The following PLD5 variants were observed in gnomAD, a reference collection of about 807,000 sequenced individuals.
The protein encoded by PLD5 is phospholipase D family member 5, also known as inactive phospholipase D5.
A neutral mutation model predicts 61.1 loss-of-function variants in PLD5; 36 were observed. The ratio of observed to expected loss-of-function variants is 0.59; its 90% CI spans 0.45 to 0.78. The LOEUF (loss-of-function observed/expected upper bound fraction) is 0.78. Among genes scored for constraint, PLD5 ranks in the 30% least tolerant of loss-of-function variants. The pLI is 0.00. For missense variants in PLD5, 515 were observed against 644.4 expected (o/e 0.80, Z 2.17); for synonymous variants, 243 against 242.8 (o/e 1.00, Z -0.01).
chr1:242,475,524 T>G (rs1233056800), intron 1 of PLD5, among the ~76,000 whole-genome samples: 1 of 151,966 alleles, frequency 6.6e-6, no homozygotes. Context: ...TGACTGAAAT[T>G]ACCTATCCTT....
chr1:242,497,632 G>A (rs1668413852), intron 1 of PLD5, among the ~76,000 whole-genome samples: 1 of 152,232 alleles, frequency 6.6e-6, no homozygotes, highest in African/African-American at 2.4e-5. Flanking sequence ...GAAAAAGAGA[G>A]CTTCATCCTT....
rs147011306 is a variant in PLD5, at chr1:242,163,147, C to CTTT, written c.736-38485_736-38483dup. On this transcript the variant is annotated intron_variant, in intron 5 of 9. Coordinates refer to ENST00000536534, the MANE Select transcript of PLD5 (RefSeq NM_001372062.1). ...CAAGTCTTTTATTTTCTTTTCTTTT[C>CTTT]TTTCTTTTCTTGAGACGACGGAGTC... Among the ~76,000 whole-genome samples the CTTT allele has an allele frequency of 2.0e-4, 29 of 141,996 alleles. 2 individuals carry two copies. The highest frequency in any genetic ancestry group is 2.7e-4 in the Non-Finnish European group (18 of 65,922). 93.2% of individuals were successfully genotyped at this position (141,996 alleles called of 152,430 possible). A position where few individuals can be genotyped will look rare whatever the true frequency, so the allele number is the denominator to read the frequency against.
chr1:242,506,187 C>A (rs574096101), intron 1 of PLD5, among the ~76,000 whole-genome samples: 2 of 152,282 alleles, frequency 1.3e-5, no homozygotes, highest in Admixed American at 1.3e-4. Context: ...ATGATGGTTA[C>A]TCCTTGCTGC....
intron 1 of PLD5, among the ~76,000 whole-genome samples, chr1:242,484,292 C>T (rs1039365179): frequency 2.6e-5 from 4 of 152,116 alleles, no homozygotes; most frequent in East Asian, 1.9e-4. Context: ...GAAAGATCAA[C>T]AAAATTGATA....
chr1:242,110,545 C>G (rs768011505), intron 7 of PLD5, among the ~76,000 whole-genome samples: 1 of 152,138 alleles, frequency 6.6e-6, no homozygotes, highest in Non-Finnish European at 1.5e-5. Context: ...CGCGGTGGCT[C>G]ATACCTGTAA....
At chr1:242,485,397 A>G (rs1667925073) in intron 1 of PLD5, among the ~76,000 whole-genome samples, 2 of 152,018 alleles carry the variant, frequency 1.3e-5, no homozygotes, top group South Asian at 4.1e-4. Context: ...TGCAAAAATC[A>G]CAAGCATTCT....
intron 7 of PLD5, among the ~76,000 whole-genome samples, chr1:242,108,211 C>A (rs1243118758): frequency 6.6e-6 from 1 of 152,050 alleles, no homozygotes; most frequent in Non-Finnish European, 1.5e-5. Flanking sequence ...CCTGAGCACC[C>A]CCTCAGTCCC....
intron 1 of PLD5, among the ~76,000 whole-genome samples, chr1:242,520,649 G>A (rs1669251255): frequency 6.6e-6 from 1 of 152,072 alleles, no homozygotes; most frequent in Admixed American, 6.5e-5. Context: ...CATAAAACCA[G>A]GCAACAAAGT....
At chr1:242,416,566 T>C (rs1664844829) in intron 1 of PLD5, among the ~76,000 whole-genome samples, 1 of 152,180 alleles carries the variant, frequency 6.6e-6, no homozygotes, top group Admixed American at 6.5e-5. Context: ...TAACATGAAA[T>C]TTAAAGGATG....
At chr1:242,412,796 G>A (rs187068216) in intron 1 of PLD5, among the ~76,000 whole-genome samples, 85 of 152,268 alleles carry the variant, frequency 5.6e-4, no homozygotes, top group African/African-American at 2.0e-3. Context: ...ATTTTCATGC[G>A]AATACAAGTC....
At chr1:242,340,958 C>T (rs1291442663) in intron 2 of PLD5, among the ~76,000 whole-genome samples, 1 of 151,808 alleles carries the variant, frequency 6.6e-6, no homozygotes, top group Non-Finnish European at 1.5e-5. Context: ...TCAACAATAC[C>T]CTTGGACGAC....
At chr1:242,356,226 A>G (rs1351801145) in intron 1 of PLD5, among the ~76,000 whole-genome samples, 1 of 152,088 alleles carries the variant, frequency 6.6e-6, no homozygotes, top group Non-Finnish European at 1.5e-5. Flanking sequence ...ATACTTTAAT[A>G]TTTCCTTTAT....
chr1:242,377,340 A>C, intron 1 of PLD5: 1 of 1,603,342 alleles, frequency 6.2e-7, no homozygotes, highest in Non-Finnish European at 8.5e-7. Context: ...CAGCTTTTTC[A>C]GTGGTTGAGT....
At chr1:242,115,405 T>A (rs1005305243) in intron 6 of PLD5, among the ~76,000 whole-genome samples, 1 of 152,126 alleles carries the variant, frequency 6.6e-6, no homozygotes, top group East Asian at 1.9e-4. Context: ...CCACCCCCTC[T>A]TTCCCCAGCC....
intron 1 of PLD5, among the ~76,000 whole-genome samples, chr1:242,483,123 A>G (rs1310608541): frequency 6.6e-6 from 1 of 152,232 alleles, no homozygotes; most frequent in African/African-American, 2.4e-5. Context: ...TGTAAAGACC[A>G]TCAAGGCTAG....
chr1:242,251,770 A>T (rs1359172914), intron 4 of PLD5, among the ~76,000 whole-genome samples: 1 of 152,136 alleles, frequency 6.6e-6, no homozygotes, highest in Non-Finnish European at 1.5e-5. Context: ...GTAAATGTAA[A>T]GGTAAGAGAG....
At chr1:242,525,560 G>T (rs1669426096), upstream of PLD5, among the ~76,000 whole-genome samples, 1 of 152,204 alleles carries the variant, frequency 6.6e-6, no homozygotes, top group Non-Finnish European at 1.5e-5. Flanking sequence ...TATCTTTGGA[G>T]TCAACCTCTC....
chr1:242,334,443 T>A (rs1410187868), intron 2 of PLD5, among the ~76,000 whole-genome samples: 1 of 152,166 alleles, frequency 6.6e-6, no homozygotes, highest in Non-Finnish European at 1.5e-5. Flanking sequence ...AGACAGAGAC[T>A]GATAGCAAGA....
intron 1 of PLD5, among the ~76,000 whole-genome samples, chr1:242,426,614 T>G (rs1411302295): frequency 6.6e-6 from 1 of 152,266 alleles, no homozygotes; most frequent in Non-Finnish European, 1.5e-5. Flanking sequence ...ACATGTGCTC[T>G]GTCACTGACC....
Sources: gnomAD v4.1 joint callset for allele counts (sites outside exome capture counted in the v4.1 genomes callset) on GRCh38, gnomAD v4.1.1 for gene constraint, MANE v1.5 for transcripts, NCBI Gene and HGNC (gene_info 2026-07-23, HGNC 2026-07-21) for gene names.